DPYD: variants seen among roughly 807,000 people sequenced by gnomAD.
The protein encoded by DPYD is dihydropyrimidine dehydrogenase [NADP(+)].
A neutral mutation model predicts 116.2 loss-of-function variants in DPYD; 109 were observed. The ratio of observed to expected loss-of-function variants is 0.94; its 90% CI spans 0.80 to 1.10. The LOEUF (loss-of-function observed/expected upper bound fraction) is 1.10. DPYD is among the 50% of genes least tolerant of loss of function. The pLI is 0.00. For synonymous variants in DPYD, 440 were observed against 432.0 expected, an observed-to-expected ratio of 1.02 and a Z score of -0.23; for missense variants, 1,302 against 1,254.5, an observed-to-expected ratio of 1.04 and a Z score of -0.57.
Position 97,906,288 on chromosome 1 carries a change from AATT to A in DPYD, c.39+14593_39+14595del, listed in dbSNP as rs149161043. 6.3e-3 allele frequency among the ~76,000 whole-genome samples: 966 copies of A among 152,144 alleles called. 9 individuals are homozygous for A. Among genetic ancestry groups the A allele is most frequent in the African/African-American group, 0.021 (891 of 41,536 alleles). ...TAATCTAAATAATGGTGTAAAACTA[AATT>A]ATTAAGTTGCATGAATGTGAATTTA... On this transcript the variant is annotated intron_variant, in intron 1 of 22. Transcript: ENST00000370192.
Position 97,264,114 on chromosome 1 carries a change from C to T in DPYD, c.2300-29120G>A, listed in dbSNP as rs540303571. ...TCATGATCTAGATTCTTTTGGTTAC[C>T]TACAGATAGCTATGACTGCCAATTC... On this transcript the variant is annotated intron_variant, in intron 18 of 22. Coordinates refer to ENST00000370192, the MANE Select transcript of DPYD (RefSeq NM_000110.4). 4.4e-4 allele frequency among the ~76,000 whole-genome samples: 65 copies of T among 147,750 alleles called. 1 individual carries two copies. The highest frequency in any genetic ancestry group is 1.5e-3 in the African/African-American group (62 of 40,204).
intron 8 of DPYD, among the ~76,000 whole-genome samples, chr1:97,627,605 T>C (rs2100785435): frequency 6.6e-6 from 1 of 152,194 alleles, no homozygotes; most frequent in East Asian, 1.9e-4. Context: ...GATGCCTTTA[T>C]CTTACCCACT....
intron 19 of DPYD, among the ~76,000 whole-genome samples, chr1:97,211,056 AATATT>A (rs1660001290): frequency 6.6e-6 from 1 of 152,176 alleles, no homozygotes; most frequent in African/African-American, 2.4e-5. Context: ...ATTATTTAAA[AATATT>A]AATTAGATCA....
intron 16 of DPYD, among the ~76,000 whole-genome samples, chr1:97,358,482 A>C (rs1416764523): frequency 6.6e-6 from 1 of 152,200 alleles, no homozygotes; most frequent in Non-Finnish European, 1.5e-5. Flanking sequence ...AGCTCAGAGA[A>C]AGGACAGGCT....
intron 13 of DPYD, among the ~76,000 whole-genome samples, chr1:97,454,503 A>G (rs1345233794): frequency 6.6e-6 from 1 of 151,918 alleles, no homozygotes; most frequent in Non-Finnish European, 1.5e-5. Context: ...TAAAAAAGAC[A>G]AACTGCCATA....
At chr1:97,144,524 T>C (rs1448532296) in intron 20 of DPYD, among the ~76,000 whole-genome samples, 1 of 152,220 alleles carries the variant, frequency 6.6e-6, no homozygotes, top group Non-Finnish European at 1.5e-5. Flanking sequence ...GCTAAATTTT[T>C]TCCCCAAAGA....
At chr1:97,245,576 T>C (rs1360321903) in intron 18 of DPYD, among the ~76,000 whole-genome samples, 1 of 152,108 alleles carries the variant, frequency 6.6e-6, no homozygotes, top group Non-Finnish European at 1.5e-5. Context: ...AATCTCACCA[T>C]TCTATGTGTT....
intron 19 of DPYD, among the ~76,000 whole-genome samples, chr1:97,223,682 G>C (rs970375567): frequency 1.3e-5 from 2 of 151,876 alleles, no homozygotes; most frequent in East Asian, 3.9e-4. Flanking sequence ...TCTGAGCTTT[G>C]GTTGTAATAC....
intron 19 of DPYD, among the ~76,000 whole-genome samples, chr1:97,208,650 T>G (rs1659829912): frequency 6.6e-6 from 1 of 152,114 alleles, no homozygotes; most frequent in Non-Finnish European, 1.5e-5. Flanking sequence ...AACTACCTAC[T>G]AATTAATTTA....
intron 19 of DPYD, among the ~76,000 whole-genome samples, chr1:97,199,144 G>A (rs1489476224): frequency 6.6e-6 from 1 of 152,114 alleles, no homozygotes; most frequent in Non-Finnish European, 1.5e-5. Flanking sequence ...ACCTATTTAT[G>A]GAGATTTACG....
intron 20 of DPYD, among the ~76,000 whole-genome samples, chr1:97,154,057 C>T (rs1326854672): frequency 6.7e-6 from 1 of 150,232 alleles, no homozygotes; most frequent in Non-Finnish European, 1.5e-5. Flanking sequence ...GGAATGTAAA[C>T]TAGTACAACG....
intron 13 of DPYD, among the ~76,000 whole-genome samples, chr1:97,514,650 A>T (rs1295705646): frequency 6.6e-6 from 1 of 151,864 alleles, no homozygotes; most frequent in Non-Finnish European, 1.5e-5. Context: ...CAGTTGATCT[A>T]TTTGAAAAAA....
In DPYD at chr1:97,699,433, T is replaced by C. The variant is rs1661471192; in HGVS notation, c.598A>G (p.Ile200Val). ...CGAGCCAAAAAGGAAGCACAACTTA[T>C]ACTTGCAGGCCCAGCACCAAAAAGA... ...IALFGAGPAS[I>V]SCASFLARLG... is the part of the protein sequence containing the mutation. The change falls in exon 6 of 23, where the codon ATA becomes GTA. Residue 200 changes from isoleucine (I) to valine (V), a missense_variant. Physicochemically the swap from Ile to Val is conservative, Grantham distance 29. Transcript: ENST00000370192. 6.2e-7 allele frequency: 1 copy of C among 1,613,762 alleles called. No individual in the cohort carries two copies. Among genetic ancestry groups the C allele is most frequent in the South Asian group, 1.1e-5 (1 of 91,078 alleles).
At chr1:97,185,995 T>C (rs963092415) in intron 20 of DPYD, among the ~76,000 whole-genome samples, 4 of 152,186 alleles carry the variant, frequency 2.6e-5, no homozygotes, top group African/African-American at 4.8e-5. Flanking sequence ...TAAGGGAAAA[T>C]AAGTGGCATA....
At chr1:97,358,935 C>A (rs112756765) in intron 16 of DPYD, among the ~76,000 whole-genome samples, 1 of 151,944 alleles carries the variant, frequency 6.6e-6, no homozygotes, top group African/African-American at 2.4e-5. Flanking sequence ...TCGGCAGCAA[C>A]AGAAAAAAGC....
chr1:97,522,811 G>C (rs952409507), intron 12 of DPYD, among the ~76,000 whole-genome samples: 5 of 151,822 alleles, frequency 3.3e-5, no homozygotes, highest in Non-Finnish European at 7.4e-5. Flanking sequence ...TTTTCACATG[G>C]CATTCCTCAA....
At chr1:97,116,672 A>AAAAT (rs1651988671) in intron 20 of DPYD, among the ~76,000 whole-genome samples, 1 of 152,196 alleles carries the variant, frequency 6.6e-6, no homozygotes, top group African/African-American at 2.4e-5. Context: ...ACCCTGTCTC[A>AAAAT]AAATAAATAA....
At chr1:97,826,560 T>C (rs1669254314) in intron 3 of DPYD, among the ~76,000 whole-genome samples, 1 of 152,134 alleles carries the variant, frequency 6.6e-6, no homozygotes, top group Non-Finnish European at 1.5e-5. Context: ...AAGTAAATAT[T>C]GGCATGCATG....
Position 97,152,319 on chromosome 1 carries a change from T to A in DPYD, c.2622+40750A>T, listed in dbSNP as rs200093424. On this transcript the variant is annotated intron_variant, in intron 20 of 22. Coordinates refer to ENST00000370192, the MANE Select transcript of DPYD (RefSeq NM_000110.4). ...AGCTGGGAATGAATGGACAATTGGGTTATTTTGTATTCTGTGGAGTGAGAT... is the reference window on the plus strand; with the variant it reads ...AGCTGGGAATGAATGGACAATTGGGATATTTTGTATTCTGTGGAGTGAGAT... 6.6e-4 allele frequency among the ~76,000 whole-genome samples: 101 copies of A among 152,168 alleles called. 3 individuals carry two copies. In the East Asian group the frequency reaches 0.015, roughly 23 times the overall value.
Sources: allele counts gnomAD v4.1 joint callset (sites outside exome capture counted in the v4.1 genomes callset), GRCh38; gene constraint gnomAD v4.1.1; transcripts MANE v1.5; gene names NCBI Gene and HGNC (gene_info 2026-07-23, HGNC 2026-07-21).